The following GRIN2A variants were observed in gnomAD, a reference collection of about 807,000 sequenced individuals.
GRIN2A encodes glutamate receptor ionotropic, NMDA 2A.
A neutral mutation model predicts 113.4 loss-of-function variants in GRIN2A; 22 were observed. The observed-to-expected ratio is 0.19, with a 90% CI of 0.14 to 0.28. The LOEUF (loss-of-function observed/expected upper bound fraction) is 0.28. Among genes scored for constraint, GRIN2A ranks in the 10% least tolerant of loss-of-function variants. GRIN2A has a pLI of 1.00. For synonymous variants in GRIN2A, 827 were observed against 738.4 expected (o/e 1.12, Z -1.94); for missense variants, 1,502 against 1,887.0 (o/e 0.80, Z 3.78).
At chr16:9,772,769 G>A (rs1901350867) in intron 11 of GRIN2A, among the ~76,000 whole-genome samples, 1 of 151,986 alleles carries the variant, frequency 6.6e-6, no homozygotes, top group African/African-American at 2.4e-5. Context: ...CTCAAACCAA[G>A]CCAGGTTTGT....
In GRIN2A at chr16:9,758,537, T is replaced by C. The variant is rs915010129; in HGVS notation, c.*4612A>G. ...CCATGTGTTAATACCATCATCACCA[T>C]TTAATTTTTAACATAAACTTTACAA... On this transcript the variant is annotated 3_prime_UTR_variant, in exon 13 of 13. Transcript: ENST00000330684. 3 of 210,876 alleles carry C rather than the reference T, an allele frequency of 1.4e-5. No individual in the cohort carries two copies. The highest frequency in any genetic ancestry group is 5.9e-5 in the Admixed American group (1 of 16,960). 13.1% of individuals were successfully genotyped at this position (210,876 alleles called of 1,614,324 possible). A position where few individuals can be genotyped will look rare whatever the true frequency, so the allele number is the denominator to read the frequency against.
rs527677952 is a variant in GRIN2A at position 10,011,254 on chromosome 16, T to C, written c.415-72703A>G. Among the ~76,000 whole-genome samples, 3 of 152,340 alleles carry C rather than the reference T, an allele frequency of 2.0e-5. No individual in the cohort carries two copies. In the East Asian group the frequency reaches 5.8e-4, roughly 29 times the overall value. The stretch of plus-strand genomic sequence containing the variant: ...AGATTATCTTCCCAGGTGTTTACAT[T>C]AGAAAGAATTCTAGATTTGGAGATA... On this transcript the variant is annotated intron_variant, in intron 2 of 12. Coordinates refer to ENST00000330684, the MANE Select transcript of GRIN2A (RefSeq NM_001134407.3).
At chr16:10,076,152 A>C (rs2047868878) in intron 2 of GRIN2A, among the ~76,000 whole-genome samples, 1 of 152,164 alleles carries the variant, frequency 6.6e-6, no homozygotes, top group Non-Finnish European at 1.5e-5. Flanking sequence ...GGACATCAGG[A>C]AGCAAAGTGG....
At position 9,856,762 on chromosome 16, in the gene GRIN2A, C is replaced by T. The variant is rs187219545; in HGVS notation, c.1123-6801G>A. ...CATGCTACTTTTATTATCTCCATTTCATAGATGAGGAAACTGAGGCATGGG... is the reference window on the plus strand; with the variant it reads ...CATGCTACTTTTATTATCTCCATTTTATAGATGAGGAAACTGAGGCATGGG... On this transcript the variant is annotated intron_variant, in intron 4 of 12. Coordinates refer to ENST00000330684, the MANE Select transcript of GRIN2A (RefSeq NM_001134407.3). 9.4e-3 allele frequency among the ~76,000 whole-genome samples: 1,424 copies of T among 151,774 alleles called. 14 individuals are homozygous for T. Among genetic ancestry groups the T allele is most frequent in the Non-Finnish European group, 0.013 (863 of 67,902 alleles).
chr16:10,064,482 T>C (rs547336371), intron 2 of GRIN2A, among the ~76,000 whole-genome samples: 1 of 152,344 alleles, frequency 6.6e-6, no homozygotes, highest in South Asian at 2.1e-4. Flanking sequence ...CTTCACTCCA[T>C]GTTAACCCAG....
chr16:9,974,978 T>C (rs1378416752), intron 2 of GRIN2A, among the ~76,000 whole-genome samples: 1 of 152,202 alleles, frequency 6.6e-6, no homozygotes, highest in African/African-American at 2.4e-5. Context: ...TGTGGGCTTG[T>C]TGTATTTGAC....
intron 11 of GRIN2A, among the ~76,000 whole-genome samples, chr16:9,783,622 A>G (rs144368300): frequency 4.7e-4 from 72 of 152,334 alleles, no homozygotes; most frequent in African/African-American, 1.5e-3. Context: ...AGTTTTCACA[A>G]TCACCAAGGG....
intron 2 of GRIN2A, among the ~76,000 whole-genome samples, chr16:10,107,653 G>A (rs548073982): frequency 2.0e-5 from 3 of 152,186 alleles, no homozygotes; most frequent in Non-Finnish European, 4.4e-5. Flanking sequence ...TAAAGGTCCC[G>A]TCCTCCCCCT....
At chr16:10,090,989 G>C (rs551463539) in intron 2 of GRIN2A, among the ~76,000 whole-genome samples, 1 of 152,226 alleles carries the variant, frequency 6.6e-6, no homozygotes, top group African/African-American at 2.4e-5. Context: ...ACCACAATGA[G>C]ATTCCACTTC....
chr16:9,806,440 A>G (rs978369793), intron 10 of GRIN2A, among the ~76,000 whole-genome samples: 21 of 152,110 alleles, frequency 1.4e-4, no homozygotes, highest in Admixed American at 5.2e-4. Context: ...TTTTTTACCA[A>G]TAATATTCAC....
intron 2 of GRIN2A, among the ~76,000 whole-genome samples, chr16:9,990,274 C>A (rs1327886259): frequency 6.6e-6 from 1 of 151,974 alleles, no homozygotes; most frequent in African/African-American, 2.4e-5. Context: ...AGTGGGTTAA[C>A]AAGGGAACAG....
intron 2 of GRIN2A, among the ~76,000 whole-genome samples, chr16:10,023,601 A>G (rs1429055483): frequency 6.6e-6 from 1 of 152,224 alleles, no homozygotes; most frequent in Non-Finnish European, 1.5e-5. Context: ...ATAGATGTGA[A>G]GGAATTAAAA....
chr16:10,062,864 CA>C (rs547484672), intron 2 of GRIN2A, among the ~76,000 whole-genome samples: 1,617 of 126,450 alleles, frequency 0.013, 10 homozygotes, highest in African/African-American at 0.033. Flanking sequence ...GACTCTGTTT[CA>C]AAAAAAAAAA....
At chr16:9,795,632 G>A (rs1379647487) in intron 11 of GRIN2A, among the ~76,000 whole-genome samples, 1 of 152,102 alleles carries the variant, frequency 6.6e-6, no homozygotes, top group Non-Finnish European at 1.5e-5. Context: ...AACATTTATT[G>A]AACCACTTGT....
chr16:9,948,422 AG>A (rs1402647715), intron 2 of GRIN2A, among the ~76,000 whole-genome samples: 1 of 152,172 alleles, frequency 6.6e-6, no homozygotes, highest in African/African-American at 2.4e-5. Flanking sequence ...CCAAGCTTTC[AG>A]TAGCAAAGTT....
At chr16:10,093,529 T>C (rs1596497821) in intron 2 of GRIN2A, among the ~76,000 whole-genome samples, 1 of 152,078 alleles carries the variant, frequency 6.6e-6, no homozygotes, top group Admixed American at 6.5e-5. Context: ...GACAGTATTA[T>C]AGTCAGGTGG....
intron 4 of GRIN2A, among the ~76,000 whole-genome samples, chr16:9,875,105 CTTG>C (rs781459049): frequency 0.08 from 12,115 of 151,260 alleles, 666 homozygotes; most frequent in Middle Eastern, 0.19. Context: ...AAGCAATTAT[CTTG>C]CCTCAGTCCC....
chr16:9,935,622 C>T (rs12149367), intron 3 of GRIN2A, among the ~76,000 whole-genome samples: 28,557 of 151,228 alleles, frequency 0.19, 2,875 homozygotes, highest in Middle Eastern at 0.27. Context: ...CTAAAGCCTT[C>T]CAGAAATATT....
chr16:10,012,913 G>A (rs945835336), intron 2 of GRIN2A, among the ~76,000 whole-genome samples: 1 of 152,150 alleles, frequency 6.6e-6, no homozygotes, highest in East Asian at 1.9e-4. Flanking sequence ...TAAGTTTGCG[G>A]TAATTTATTT....
Sources: allele counts gnomAD v4.1 joint callset (sites outside exome capture counted in the v4.1 genomes callset), GRCh38; gene constraint gnomAD v4.1.1; transcripts MANE v1.5; gene names NCBI Gene and HGNC (gene_info 2026-07-23, HGNC 2026-07-21).